Variants in CAND2 observed in about 807,000 individuals in gnomAD.
CAND2 encodes the protein cullin-associated NEDD8-dissociated protein 2.
In CAND2, 62 loss-of-function variants were observed where a neutral mutation model predicts 98.9. The observed-to-expected ratio is 0.63, with a 90% CI of 0.51 to 0.77. The LOEUF (loss-of-function observed/expected upper bound fraction) is 0.77. Ranked by LOEUF, CAND2 falls within the 30% of genes least tolerant of loss-of-function variation. The pLI is 0.00. For missense variants in CAND2, 1,501 were observed against 1,655.2 expected (o/e 0.91, Z 1.62); for synonymous variants, 770 against 731.9 (o/e 1.05, Z -0.84).
intron 11 of CAND2, among the ~76,000 whole-genome samples, chr3:12,824,488 C>A (rs1308581513): frequency 2.0e-5 from 3 of 152,156 alleles, no homozygotes; most frequent in Admixed American, 2.0e-4. Flanking sequence ...TGATCACTGA[C>A]CCACTCCTGT....
chr3:12,807,242 A>G (rs1201950630), intron 2 of CAND2, 64 bp from the exon 3 acceptor site: 3 of 1,483,098 alleles, frequency 2.0e-6, no homozygotes, highest in East Asian at 5.0e-5. Flanking sequence ...AGGGGACATA[A>G]AGGGGCAGCC....
intron 11 of CAND2, among the ~76,000 whole-genome samples, chr3:12,822,774 G>A (rs888863484): frequency 3.3e-5 from 5 of 152,186 alleles, no homozygotes; most frequent in African/African-American, 1.2e-4. Flanking sequence ...GCCTGTTGCT[G>A]TTGGGGCCTC....
At chr3:12,830,584 G>A (rs995567857) in intron 13 of CAND2, among the ~76,000 whole-genome samples, 1 of 152,216 alleles carries the variant, frequency 6.6e-6, no homozygotes, top group African/African-American at 2.4e-5. Flanking sequence ...CAGGGCCTAG[G>A]CACCAGTGCA....
rs537508400 is a variant in CAND2 at position 12,807,524 on chromosome 3, C to T, written c.367+64C>T. The T allele has an allele frequency of 9.1e-3, 12,742 of 1,396,894 alleles. 78 individuals are homozygous for T. Among genetic ancestry groups the T allele is most frequent in the Non-Finnish European group, 9.8e-3 (10,375 of 1,056,442 alleles). The allele number at this position is 1,396,894 out of a possible 1,614,324, so 86.5% of individuals were successfully genotyped here. A position where few individuals can be genotyped will look rare whatever the true frequency, so the allele number is the denominator to read the frequency against. ...TCCTAGTTTATGGTAAAAAAACAAA[C>T]GAAAAAACAAAAAAAAAACACTGAG... On this transcript the variant is annotated intron_variant, in intron 3 of 14. Transcript: ENST00000456430.
chr3:12,825,460 C>G lies in CAND2; in HGVS notation c.3041-10C>G, dbSNP rs2061991332. ...GTGCATCCCCCACGCCCCTCATGTT[C>G]TTCTGCCAGGAGAGTTCATGGAGAG... On this transcript the variant is annotated splice_polypyrimidine_tract_variant and intron_variant, in intron 11 of 14. Coordinates refer to ENST00000456430, the MANE Select transcript of CAND2 (RefSeq NM_001162499.2). 1 of 1,549,484 alleles carries G rather than the reference C, an allele frequency of 6.5e-7. No individual in the cohort carries two copies. The highest frequency in any genetic ancestry group is 8.7e-7 in the Non-Finnish European group (1 of 1,145,024).
chr3:12,831,579 C>T lies in CAND2; in HGVS notation c.3483+7C>T, dbSNP rs550325565. 24 of 1,602,074 alleles carry T rather than the reference C, an allele frequency of 1.5e-5. 1 individual carries two copies. The South Asian group carries it at 1.8e-4, about 12-fold the overall frequency. On this transcript the variant is annotated splice_region_variant and intron_variant, in intron 14 of 14. Transcript: ENST00000456430. ...GGCCACCTGCACTGCCAAGGTAAGT[C>T]CCTGGCCCAGCCCTAGCCCAGGCCC...
At chr3:12,813,479 T>C (rs961812040) in intron 7 of CAND2, 91 bp downstream of exon 7, 3 of 1,379,316 alleles carry the variant, frequency 2.2e-6, no homozygotes, top group Admixed American at 2.0e-5. Context: ...TCACATTTGG[T>C]GCCCCTGTCC....
Position 12,825,571 on chromosome 3 carries a change from G to T in CAND2, c.3142G>T (p.Asp1048Tyr). The T allele has an allele frequency of 6.2e-7, 1 of 1,611,254 alleles. No homozygotes were observed. The highest frequency in any genetic ancestry group is 1.7e-5 in the Admixed American group (1 of 59,684). ...GCACAACAAGCCCTCGCTAGTCCGG[G>T]ACCTGCTGGATGACATCCTGCCCCT... ...AVHNKPSLVR[D>Y]LLDDILPLLY... is the part of the protein sequence containing the mutation. The change falls in exon 12 of 15, where the codon GAC becomes TAC. Residue 1048 changes from aspartate (D) to tyrosine (Y), a missense_variant. Coordinates refer to ENST00000456430, the MANE Select transcript of CAND2 (RefSeq NM_001162499.2).
intron 13 of CAND2, among the ~76,000 whole-genome samples, chr3:12,829,059 C>T (rs1467975122): frequency 6.6e-6 from 1 of 152,238 alleles, no homozygotes; most frequent in Non-Finnish European, 1.5e-5. Flanking sequence ...GTTCTCTTCA[C>T]TTTACCCAGA....
chr3:12,807,568 A>C, intron 3 of CAND2, 108 bp downstream of exon 3: 1 of 1,185,488 alleles, frequency 8.4e-7, no homozygotes, highest in East Asian at 2.6e-5. Flanking sequence ...AGTTGAAGAG[A>C]CATACCTGAG....
At chr3:12,828,165 AGAGT>A (rs1299145554) in intron 13 of CAND2, among the ~76,000 whole-genome samples, 1 of 152,144 alleles carries the variant, frequency 6.6e-6, no homozygotes. Flanking sequence ...CTTAACAGAC[AGAGT>A]GAGTCTGGGG....
Position 12,798,982 on chromosome 3 carries a change from C to G in CAND2, c.68+2194C>G, listed in dbSNP as rs534003241. 2.9e-3 allele frequency among the ~76,000 whole-genome samples: 435 copies of G among 152,266 alleles called. 1 individual carries two copies. Among genetic ancestry groups the G allele is most frequent in the South Asian group, 6.8e-3 (33 of 4,830 alleles). Reference sequence around the variant, plus strand: ...AGGGAGACCTTTGTTTCCTGTTCTTCCTGGGCCCTGGCTTTATGGGCAGGA... The same window carrying G: ...AGGGAGACCTTTGTTTCCTGTTCTTGCTGGGCCCTGGCTTTATGGGCAGGA... On this transcript the variant is annotated intron_variant, in intron 1 of 14. Transcript: ENST00000456430.
In CAND2 at chr3:12,834,716, G is replaced by A. The variant is rs1430387966; in HGVS notation, c.*734G>A. The A allele has an allele frequency of 3.9e-5, 6 of 152,280 alleles. No homozygotes were observed. Among genetic ancestry groups the A allele is most frequent in the Admixed American group, 2.0e-4 (3 of 15,292 alleles). 9.4% of individuals were successfully genotyped at this position (152,280 alleles called of 1,614,324 possible). On this transcript the variant is annotated 3_prime_UTR_variant, in exon 15 of 15. Transcript: ENST00000456430. ...GAGGAAGGTTTCAAATGTGTCTAGTGTTCAGTATTGAGGACAAAGAAATAC... is the reference window on the plus strand; with the variant it reads ...GAGGAAGGTTTCAAATGTGTCTAGTATTCAGTATTGAGGACAAAGAAATAC...
intron 4 of CAND2, chr3:12,809,783 C>T (rs2061835103): frequency 2.6e-6 from 1 of 384,418 alleles, no homozygotes; most frequent in Non-Finnish European, 4.7e-6. Flanking sequence ...GACAGCCTTA[C>T]TAGATCCTCT....
intron 7 of CAND2, among the ~76,000 whole-genome samples, chr3:12,814,652 A>G (rs954655117): frequency 6.6e-6 from 1 of 152,158 alleles, no homozygotes; most frequent in Non-Finnish European, 1.5e-5. Flanking sequence ...CTGGAGTCCC[A>G]GTAAACGAAA....
At chr3:12,810,364 G>A (rs2061842293) in intron 5 of CAND2, 40 bp downstream of exon 5, 36 of 1,398,944 alleles carry the variant, frequency 2.6e-5, no homozygotes, top group Non-Finnish European at 3.3e-5. Context: ...GGCATGGTGG[G>A]CGGAGCTTAG....
At position 12,816,882 on chromosome 3, in the gene CAND2, G is replaced by T; in HGVS notation, c.1950G>T (p.Leu650=). ...SPLQLDLQPI[L]AEALHILASF... is the part of the protein sequence containing the mutation. ...TACAGCTTGACCTACAGCCCATCCT[G>T]GCCGAGGCACTGCACATTCTGGCCT... Residue 650 remains leucine, a synonymous_variant, in exon 10 of 15, where the codon CTG becomes CTT. Coordinates refer to ENST00000456430, the MANE Select transcript of CAND2 (RefSeq NM_001162499.2). 1 of 1,613,900 alleles carries T rather than the reference G, an allele frequency of 6.2e-7. No homozygotes were observed. The highest frequency in any genetic ancestry group is 8.5e-7 in the Non-Finnish European group (1 of 1,180,040).
chr3:12,825,589 C>T lies in CAND2; in HGVS notation c.3160C>T (p.Leu1054=). The T allele has an allele frequency of 6.2e-7, 1 of 1,610,330 alleles. No individual in the cohort carries two copies. Among genetic ancestry groups the T allele is most frequent in the Non-Finnish European group, 8.5e-7 (1 of 1,178,542 alleles). ...AGTCCGGGACCTGCTGGATGACATC[C>T]TGCCCCTCCTCTACCAGGAGACAAA... ...SLVRDLLDDI[L]PLLYQETKIR... Residue 1054 remains leucine, a synonymous_variant, in exon 12 of 15, where the codon CTG becomes TTG. Coordinates refer to ENST00000456430, the MANE Select transcript of CAND2 (RefSeq NM_001162499.2).
Position 12,815,835 on chromosome 3 carries a change from C to G in CAND2, c.1300-32C>G, listed in dbSNP as rs772284886. 6.2e-7 allele frequency: 1 copy of G among 1,603,970 alleles called. No homozygotes were observed. The highest frequency in any genetic ancestry group is 8.5e-7 in the Non-Finnish European group (1 of 1,173,424). ...CAGGTGGGTAGGTTTCTTGGGTGTT[C>G]CCTGACCTTGACTTCCCCCTCCTGC... is the stretch of plus-strand genomic sequence containing the variant. On this transcript the variant is annotated intron_variant, in intron 8 of 14. Transcript: ENST00000456430. The surrounding 1 kb of genome is among the most constrained non-coding windows in gnomAD (Gnocchi z 5.7).
Sources: gnomAD v4.1 joint callset for allele counts (sites outside exome capture counted in the v4.1 genomes callset) on GRCh38, gnomAD v4.1.1 for gene constraint, Gnocchi (gnomAD v3.1) non-coding constraint, MANE v1.5 for transcripts, NCBI Gene and HGNC (gene_info 2026-07-23, HGNC 2026-07-21) for gene names.